The following YY1AP1 variants were observed in gnomAD, a reference collection of about 807,000 sequenced individuals.
YY1AP1 encodes YY1-associated protein 1.
In YY1AP1, 43 loss-of-function variants were observed where a neutral mutation model predicts 39.9. The ratio of observed to expected loss-of-function variants is 1.08; its 90% CI spans 0.84 to 1.39. YY1AP1 has a LOEUF of 1.39. Among genes scored for constraint, YY1AP1 ranks in the 40% most tolerant of loss-of-function variants. YY1AP1 has a pLI of 0.00. For synonymous variants in YY1AP1, 292 were observed against 331.3 expected, an observed-to-expected ratio of 0.88 and a Z score of 1.29; for missense variants, 813 against 900.7, an observed-to-expected ratio of 0.90 and a Z score of 1.25.
chr1:155,682,636 C>T, intron 2 of YY1AP1, among the ~76,000 whole-genome samples: 1 of 151,892 alleles, frequency 6.6e-6, no homozygotes. Flanking sequence ...GCAGGGATTA[C>T]AGGCATGAGC....
chr1:155,660,489 C>T lies in YY1AP1; in HGVS notation c.1421G>A (p.Gly474Asp). The T allele has an allele frequency of 6.2e-7, 1 of 1,614,164 alleles. No homozygotes were observed. The highest frequency in any genetic ancestry group is 8.5e-7 in the Non-Finnish European group (1 of 1,180,048). The change falls in exon 11 of 11, where the codon GGT becomes GAT. Residue 474 changes from glycine (G) to aspartate (D), a missense_variant. Around this residue, in one of 3 missense-constraint regions of YY1AP1, gnomAD observed 586 missense variants for 647.4 expected, o/e 0.91. Transcript: ENST00000355499. ...PGVPPLGVSG[G>D]ESFESPAALP... ...TGCTGCAGGAGACTCAAAACTCTCACCTCCACTGACCCCCAGTGGAGGGAC... is the reference window on the plus strand; with the variant it reads ...TGCTGCAGGAGACTCAAAACTCTCATCTCCACTGACCCCCAGTGGAGGGAC...
At chr1:155,664,827 T>C (rs1298101729) in intron 9 of YY1AP1, among the ~76,000 whole-genome samples, 1 of 149,172 alleles carries the variant, frequency 6.7e-6, no homozygotes, top group Non-Finnish European at 1.5e-5. Flanking sequence ...TGGAGTGTAG[T>C]GGCGAGATCT....
Position 155,659,835 on chromosome 1 carries a change from A to G in YY1AP1, c.2075T>C (p.Leu692Ser), listed in dbSNP as rs1647755776. ...CCAGCGATAGGCACTGTTCTCTGACAATCCTTCTTGGCACTGTTTATCGAC... is the reference window on the plus strand; with the variant it reads ...CCAGCGATAGGCACTGTTCTCTGACGATCCTTCTTGGCACTGTTTATCGAC... ...PPVDKQCQEG[L>S]SENSAYRWTV... is the part of the protein sequence containing the mutation. Residue 692 changes from leucine (L) to serine (S), a missense_variant, in exon 11 of 11, where the codon TTG becomes TCG. Coordinates refer to ENST00000355499, the MANE Select transcript of YY1AP1 (RefSeq NM_139119.3). 2 of 1,614,054 alleles carry G rather than the reference A, an allele frequency of 1.2e-6. No individual in the cohort carries two copies. The highest frequency in any genetic ancestry group is 2.7e-5 in the African/African-American group (2 of 74,912).
intron 3 of YY1AP1, 137 bp downstream of exon 3, chr1:155,680,279 A>G (rs1218084362): frequency 5.5e-6 from 5 of 913,938 alleles, no homozygotes; most frequent in Non-Finnish European, 8.2e-6. Flanking sequence ...TTTTGTCATT[A>G]TATTCTTTCC....
intron 4 of YY1AP1, chr1:155,679,066 A>C: frequency 8.5e-7 from 1 of 1,180,968 alleles, no homozygotes; most frequent in Non-Finnish European, 1.1e-6. Context: ...GGCACATAAA[A>C]AGAACAAAAG....
At chr1:155,662,800 T>C (rs1379376206) in intron 9 of YY1AP1, among the ~76,000 whole-genome samples, 3 of 150,932 alleles carry the variant, frequency 2.0e-5, no homozygotes, top group African/African-American at 7.3e-5. Context: ...CAGGAGTTCA[T>C]GACCAGCCTG....
rs1653120289 is a variant in YY1AP1, at chr1:155,688,685, T to C, written c.-178A>G. 23 of 1,529,216 alleles carry C rather than the reference T, an allele frequency of 1.5e-5. No homozygotes were observed. The highest frequency in any genetic ancestry group is 2.4e-5 in the East Asian group (1 of 40,960). 94.7% of individuals were successfully genotyped at this position (1,529,216 alleles called of 1,614,324 possible). On this transcript the variant is annotated 5_prime_UTR_variant, in exon 1 of 11. Transcript: ENST00000355499. ...TTCAGCGGCGCGAGCCCAAGCCTTC[T>C]CCACCTCCTCTTCTCTCCTCCCCCT...
In YY1AP1 at chr1:155,688,175, T is replaced by C. The variant is rs1652831545; in HGVS notation, c.-125A>G. On this transcript the variant is annotated 5_prime_UTR_variant, in exon 2 of 11. Transcript: ENST00000355499. ...GTCCACCGCGGATCCCTCCCGCTTG[T>C]CAGGAGGCGGCCAGCGGGTAAGCCG... 2 of 1,613,678 alleles carry C rather than the reference T, an allele frequency of 1.2e-6. No individual in the cohort carries two copies. Among genetic ancestry groups the C allele is most frequent in the Non-Finnish European group, 1.7e-6 (2 of 1,179,938 alleles).
intron 7 of YY1AP1, chr1:155,670,858 TA>T (rs1237509708): frequency 4.4e-6 from 1 of 229,442 alleles, no homozygotes; most frequent in African/African-American, 2.3e-5. Context: ...GTATTTTTAG[TA>T]GAGACGGGGT....
In YY1AP1 at chr1:155,667,953, AAC is replaced by A. The variant is rs575258946; in HGVS notation, c.879+672_879+673del. The stretch of plus-strand genomic sequence containing the variant: ...ATACATACAGACACAGACACACACA[AAC>A]ACACACACACACACACACACACATA... On this transcript the variant is annotated intron_variant, in intron 9 of 10. Coordinates refer to ENST00000355499, the MANE Select transcript of YY1AP1 (RefSeq NM_139119.3). Among the ~76,000 whole-genome samples, 1,061 of 143,974 alleles carry A rather than the reference AAC, an allele frequency of 7.4e-3. 3 individuals are homozygous for A. Among genetic ancestry groups the A allele is most frequent in the South Asian group, 0.012 (54 of 4,654 alleles). 94.5% of individuals were successfully genotyped at this position (143,974 alleles called of 152,430 possible).
At chr1:155,678,098 A>G (rs1321218237) in intron 4 of YY1AP1, among the ~76,000 whole-genome samples, 1 of 152,250 alleles carries the variant, frequency 6.6e-6, no homozygotes, top group African/African-American at 2.4e-5. Flanking sequence ...AGGTGGCTCC[A>G]TAAGATTACT....
intron 7 of YY1AP1, chr1:155,671,103 A>G (rs1649794477): frequency 6.6e-6 from 1 of 152,384 alleles, no homozygotes; most frequent in Non-Finnish European, 1.5e-5. Flanking sequence ...TCTCTGAAGG[A>G]TAACAGACCT....
rs111395667 is a variant in YY1AP1, at chr1:155,676,725, G to A, written c.147C>T (p.Asn49=). The A allele has an allele frequency of 1.9e-6, 3 of 1,613,928 alleles. No individual in the cohort carries two copies. Among genetic ancestry groups the A allele is most frequent in the Non-Finnish European group, 2.5e-6 (3 of 1,180,016 alleles). The change falls in exon 5 of 11, where the codon AAC becomes AAT. Residue 49 remains asparagine, a synonymous_variant. Coordinates refer to ENST00000355499, the MANE Select transcript of YY1AP1 (RefSeq NM_139119.3). ...CTATCTGATGTTGTTCATTTAGTAG[G>A]TTGGCCAGTAGTTCCTCAAACCTAT... is the stretch of plus-strand genomic sequence containing the variant. ...QALRFEELLA[N]LLNEQHQIAK... is the part of the protein sequence containing the mutation.
intron 3 of YY1AP1, 26 bp downstream of exon 3, chr1:155,680,390 G>A: frequency 1.2e-6 from 2 of 1,612,324 alleles, no homozygotes; most frequent in African/African-American, 1.3e-5. Context: ...ACAATCCCAT[G>A]TTCTCACTTG....
chr1:155,688,086 G>C lies in YY1AP1; in HGVS notation c.-36C>G, dbSNP rs752941162. On this transcript the variant is annotated 5_prime_UTR_variant, in exon 2 of 11. Transcript: ENST00000355499. ...TTCTACTCACCGTGTCGGAGGCCGA[G>C]AGCGATGAGAGTACAGGGAAGTGAG... 35 of 1,591,584 alleles carry C rather than the reference G, an allele frequency of 2.2e-5. No homozygotes were observed. Among genetic ancestry groups the C allele is most frequent in the Non-Finnish European group, 2.9e-5 (34 of 1,165,414 alleles).
Position 155,661,571 on chromosome 1 carries a change from C to T in YY1AP1, c.880-148G>A, listed in dbSNP as rs1648153655. The T allele has an allele frequency of 2.7e-6, 4 of 1,502,740 alleles. No individual in the cohort carries two copies. The South Asian group carries it at 4.6e-5, about 17-fold the overall frequency. The allele number at this position is 1,502,740 out of a possible 1,614,324, so 93.1% of individuals were successfully genotyped here. On this transcript the variant is annotated intron_variant, in intron 9 of 10. Coordinates refer to ENST00000355499, the MANE Select transcript of YY1AP1 (RefSeq NM_139119.3). ...CACACAAGACCACATACACAAACATCCATGAACACACATATACGAATAGCA... is the reference window on the plus strand; with the variant it reads ...CACACAAGACCACATACACAAACATTCATGAACACACATATACGAATAGCA...
chr1:155,672,905 A>T (rs1263887945), intron 6 of YY1AP1, 174 bp from the exon 7 acceptor site: 2 of 880,074 alleles, frequency 2.3e-6, no homozygotes, highest in Non-Finnish European at 3.5e-6. Flanking sequence ...GTTCTCAGAT[A>T]TTCAGGGATT....
intron 5 of YY1AP1, among the ~76,000 whole-genome samples, chr1:155,675,995 G>A (rs572063393): frequency 1.2e-4 from 18 of 152,234 alleles, no homozygotes; most frequent in Middle Eastern, 3.4e-3. Flanking sequence ...AGGCCGAGGC[G>A]GGTGGATCAC....
intron 9 of YY1AP1, among the ~76,000 whole-genome samples, chr1:155,667,880 C>T (rs544049420): frequency 2.0e-5 from 3 of 151,430 alleles, no homozygotes; most frequent in Admixed American, 6.6e-5. Flanking sequence ...TGGGCCTGGG[C>T]GACAAGAGCG....
Sources: allele counts gnomAD v4.1 joint callset (sites outside exome capture counted in the v4.1 genomes callset), GRCh38; gene constraint gnomAD v4.1.1; regional missense constraint gnomAD v4.1.1; transcripts MANE v1.5; gene names NCBI Gene and HGNC (gene_info 2026-07-23, HGNC 2026-07-21).